Variants in ATXN1 observed in about 807,000 individuals in gnomAD.
The protein encoded by ATXN1 is ataxin-1.
In ATXN1, 8 loss-of-function variants were observed where a neutral mutation model predicts 56.4. The ratio of observed to expected loss-of-function variants is 0.14; its 90% CI spans 0.08 to 0.26. The LOEUF is 0.26. ATXN1 is among the 10% of genes least tolerant of loss of function. The probability of loss-of-function intolerance (pLI) is 1.00; values close to 1 mark genes in which losing one functional copy is unlikely to be tolerated. For synonymous variants in ATXN1, 514 were observed against 494.6 expected (o/e 1.04, Z -0.52); for missense variants, 987 against 1,106.5 (o/e 0.89, Z 1.53).
At chr6:16,413,552 G>T (rs940019471) in intron 6 of ATXN1, among the ~76,000 whole-genome samples, 1 of 152,128 alleles carries the variant, frequency 6.6e-6, no homozygotes, top group East Asian at 1.9e-4. Context: ...AATGTTTAAT[G>T]AATGGATGAG....
chr6:16,757,303 T>C (rs559321052), intron 1 of ATXN1, among the ~76,000 whole-genome samples: 5 of 152,214 alleles, frequency 3.3e-5, no homozygotes, highest in South Asian at 2.1e-4. Flanking sequence ...ACCAGGTACA[T>C]TTTTTTATAC....
At chr6:16,314,008 C>T (rs1760456731) in intron 7 of ATXN1, among the ~76,000 whole-genome samples, 1 of 152,302 alleles carries the variant, frequency 6.6e-6, no homozygotes, top group Middle Eastern at 3.4e-3. Flanking sequence ...AAAGATGCCA[C>T]GACCAGATAT....
chr6:16,560,521 G>C lies in ATXN1; in HGVS notation c.-361+25259C>G, dbSNP rs149967337. On this transcript the variant is annotated intron_variant, in intron 4 of 7. Coordinates refer to ENST00000436367, the MANE Select transcript of ATXN1 (RefSeq NM_001128164.2). ...TTCCTTTAATATGCTTGTTCTAAAG[G>C]GGGCAGGGGTGGAGAGAGAAGACTA... Among the ~76,000 whole-genome samples the C allele has an allele frequency of 5.3e-5, 8 of 152,210 alleles. No individual in the cohort carries two copies. The South Asian group carries it at 1.7e-3, about 32-fold the overall frequency.
At chr6:16,713,495 C>A (rs1759569794) in intron 2 of ATXN1, among the ~76,000 whole-genome samples, 1 of 152,216 alleles carries the variant, frequency 6.6e-6, no homozygotes, top group African/African-American at 2.4e-5. Flanking sequence ...AGAGTTACTT[C>A]TTGTTTCTAC....
intron 3 of ATXN1, among the ~76,000 whole-genome samples, chr6:16,637,266 TG>T (rs1287472016): frequency 2.0e-5 from 3 of 149,820 alleles, no homozygotes; most frequent in African/African-American, 7.4e-5. Flanking sequence ...AAACACCGCA[TG>T]TTCTCACTCA....
rs1760899574 is a variant in ATXN1, at chr6:16,328,365, T to G, written c.-55A>C. On this transcript the variant is annotated 5_prime_UTR_variant, in exon 7 of 8. It removes the in-frame stop codon of an upstream open reading frame in the 5' UTR. Transcript: ENST00000436367. This position sits in a 1 kb window ranked among gnomAD's most constrained non-coding sequence, Gnocchi z 6.2. ...TTTCACTGTCTGGATGGCTCTGATT[T>G]TAGTCTGATAAACGGAAAGTCACAT... The G allele has an allele frequency of 1.4e-6, 2 of 1,459,430 alleles. No individual in the cohort carries two copies. The highest frequency in any genetic ancestry group is 1.8e-6 in the Non-Finnish European group (2 of 1,110,940). The allele number at this position is 1,459,430 out of a possible 1,614,324, so 90.4% of individuals were successfully genotyped here.
At chr6:16,429,367 C>T (rs1442598042) in intron 6 of ATXN1, among the ~76,000 whole-genome samples, 2 of 62,206 alleles carry the variant, frequency 3.2e-5, no homozygotes, top group Admixed American at 2.4e-4. Flanking sequence ...GTTTGGAGTC[C>T]TTTTAGCATT....
intron 6 of ATXN1, among the ~76,000 whole-genome samples, chr6:16,457,669 G>A (rs1759905850): frequency 6.6e-6 from 1 of 152,152 alleles, no homozygotes; most frequent in Non-Finnish European, 1.5e-5. Context: ...TTATGTCCAA[G>A]CTTTCTTTTT....
At chr6:16,462,353 T>C (rs756721480) in intron 6 of ATXN1, among the ~76,000 whole-genome samples, 5 of 152,140 alleles carry the variant, frequency 3.3e-5, no homozygotes, top group Admixed American at 2.0e-4. Flanking sequence ...CTGTGAACCA[T>C]TGGAAGATTT....
intron 3 of ATXN1, among the ~76,000 whole-genome samples, chr6:16,648,819 CT>C (rs1763845701): frequency 6.6e-6 from 1 of 152,100 alleles, no homozygotes; most frequent in Non-Finnish European, 1.5e-5. Flanking sequence ...TTTGGCATGA[CT>C]TTATAAACAA....
chr6:16,741,020 G>A (rs1760322365), intron 2 of ATXN1, among the ~76,000 whole-genome samples: 1 of 152,158 alleles, frequency 6.6e-6, no homozygotes, highest in South Asian at 2.1e-4. Context: ...AATAATTTCT[G>A]GGGTATCTTG....
intron 2 of ATXN1, among the ~76,000 whole-genome samples, chr6:16,671,042 C>G (rs1191910501): frequency 6.6e-6 from 1 of 152,146 alleles, no homozygotes; most frequent in African/African-American, 2.4e-5. Flanking sequence ...TAGTGAATAA[C>G]TATTCTGAAA....
Position 16,327,736 on chromosome 6 carries a change from C to T in ATXN1, c.575G>A (p.Gly192Glu). The change falls in exon 7 of 8, where the codon GGA becomes GAA. Residue 192 changes from glycine (G) to glutamate (E), a missense_variant. Gly to Glu is a moderately conservative substitution (Grantham distance 98, BLOSUM62 -2). Around this residue, in one of 3 missense-constraint regions of ATXN1, gnomAD observed 723 missense variants for 791.7 expected, o/e 0.91. Coordinates refer to ENST00000436367, the MANE Select transcript of ATXN1 (RefSeq NM_001128164.2). ...CTGCTGCTGCTGCTCAGCCTTGTGT[C>T]CCGGCGTCTGGCTCAGACTGCCCAT... is the stretch of plus-strand genomic sequence containing the variant. ...ANMGSLSQTP[G>E]HKAEQQQQQQ... The T allele has an allele frequency of 6.3e-7, 1 of 1,592,572 alleles. No homozygotes were observed. Among genetic ancestry groups the T allele is most frequent in the East Asian group, 2.2e-5 (1 of 44,672 alleles).
rs763689669 is a variant in ATXN1, at chr6:16,326,502, C to G, written c.1809G>C (p.Glu603Asp). The change falls in exon 7 of 8, where the codon GAG becomes GAC. Residue 603 changes from glutamate (E) to aspartate (D), a missense_variant. Around this residue, in one of 3 missense-constraint regions of ATXN1, gnomAD observed 68 missense variants for 118.1 expected, o/e 0.58. Coordinates refer to ENST00000436367, the MANE Select transcript of ATXN1 (RefSeq NM_001128164.2). This position sits in a 1 kb window ranked among gnomAD's most constrained non-coding sequence, Gnocchi z 6.6. ...AGTCGATCTTCAGGTCGTTGCTTAT[C>G]TCTGCACTCTGGATGAAATCTTCTG... ...LKTEDFIQSAEISNDLKIDSS... is the reference protein window; with the variant it reads ...LKTEDFIQSADISNDLKIDSS... 1 of 1,614,202 alleles carries G rather than the reference C, an allele frequency of 6.2e-7. No homozygotes were observed. Among genetic ancestry groups the G allele is most frequent in the South Asian group, 1.1e-5 (1 of 91,086 alleles).
intron 5 of ATXN1, among the ~76,000 whole-genome samples, chr6:16,490,428 C>G (rs1760637606): frequency 6.6e-6 from 1 of 152,232 alleles, no homozygotes; most frequent in Admixed American, 6.5e-5. Flanking sequence ...TACCAACAAA[C>G]AGTTGTACTA....
chr6:16,579,321 T>C (rs1339388915), intron 4 of ATXN1, among the ~76,000 whole-genome samples: 1 of 152,098 alleles, frequency 6.6e-6, no homozygotes, highest in Non-Finnish European at 1.5e-5. Context: ...CAGTGACCGC[T>C]TTTCATAGGT....
rs1045250725 is a variant in ATXN1, at chr6:16,311,872, C to T, written c.1918-5013G>A. On this transcript the variant is annotated intron_variant, in intron 7 of 7. Transcript: ENST00000436367. ...CTCGTAAGACTCTCTACCAGAGTTGCGGTTTGCTTATTCTTGCCCAACACC... is the reference window on the plus strand; with the variant it reads ...CTCGTAAGACTCTCTACCAGAGTTGTGGTTTGCTTATTCTTGCCCAACACC... 7.9e-5 allele frequency among the ~76,000 whole-genome samples: 12 copies of T among 152,300 alleles called. No individual in the cohort carries two copies. The East Asian group carries it at 1.2e-3, about 15-fold the overall frequency.
intron 6 of ATXN1, among the ~76,000 whole-genome samples, chr6:16,412,086 T>C (rs532648491): frequency 4.1e-4 from 63 of 152,330 alleles, no homozygotes; most frequent in African/African-American, 1.1e-3. Context: ...TTGGATCTTG[T>C]AGGCAAATTC....
chr6:16,730,485 A>ATGTGTG (rs5874576), intron 2 of ATXN1, among the ~76,000 whole-genome samples: 5,689 of 118,398 alleles, frequency 0.048, 235 homozygotes, highest in South Asian at 0.091. Flanking sequence ...GTAAAACAGT[A>ATGTGTG]TGTATATATA....
Sources: allele counts gnomAD v4.1 joint callset (sites outside exome capture counted in the v4.1 genomes callset), GRCh38; gene constraint gnomAD v4.1.1; regional missense constraint gnomAD v4.1.1; non-coding constraint Gnocchi (gnomAD v3.1); transcripts MANE v1.5; gene names NCBI Gene and HGNC (gene_info 2026-07-23, HGNC 2026-07-21).